The following HTT-AS variants were observed in gnomAD, a reference collection of about 807,000 sequenced individuals.
HTT-AS encodes HTT antisense RNA, also known as HTT antisense RNA (head to head).
At chr4:3,056,460 G>A (rs1468670241) in intron 2 of HTT-AS, among the ~76,000 whole-genome samples, 1 of 152,330 alleles carries the variant, frequency 6.6e-6, no homozygotes, top group East Asian at 1.9e-4. Context: ...CAAAGACTCA[G>A]CTACTGTTAC....
At chr4:3,052,350 G>A (rs1223425712) in intron 2 of HTT-AS, among the ~76,000 whole-genome samples, 1 of 152,170 alleles carries the variant, frequency 6.6e-6, no homozygotes, top group Admixed American at 6.5e-5. Flanking sequence ...TTATTAAAGA[G>A]TGCAATGGTT....
At chr4:3,052,672 G>T (rs1241043085) in intron 2 of HTT-AS, among the ~76,000 whole-genome samples, 2 of 151,982 alleles carry the variant, frequency 1.3e-5, no homozygotes, top group Non-Finnish European at 2.9e-5. Flanking sequence ...CTTTTTTGGG[G>T]GGGATCCAGG....
chr4:3,051,071 T>A (rs1315438351), intron 2 of HTT-AS, among the ~76,000 whole-genome samples: 1 of 151,076 alleles, frequency 6.6e-6, no homozygotes, highest in Non-Finnish European at 1.5e-5. Flanking sequence ...TGTGTGTGTG[T>A]GTGTGTGTGT....
chr4:3,050,660 C>T (rs1010771495), intron 2 of HTT-AS, among the ~76,000 whole-genome samples: 2 of 152,140 alleles, frequency 1.3e-5, no homozygotes, highest in Non-Finnish European at 2.9e-5. Flanking sequence ...CTATGATTTA[C>T]AGTAACTTAA....
At chr4:3,072,316 G>A (rs1227824125) in intron 1 of HTT-AS, among the ~76,000 whole-genome samples, 1 of 152,246 alleles carries the variant, frequency 6.6e-6, no homozygotes, top group Non-Finnish European at 1.5e-5. Flanking sequence ...CGCCATGTGG[G>A]CCTCTCCAAC....
At chr4:3,064,588 A>G (rs1272912523) in intron 1 of HTT-AS, among the ~76,000 whole-genome samples, 1 of 152,236 alleles carries the variant, frequency 6.6e-6, no homozygotes, top group South Asian at 2.1e-4. Flanking sequence ...CTAGGAAAAC[A>G]TAATTTATCA....
chr4:3,064,496 AAAATCATGT>A lies in HTT-AS; in HGVS notation n.114-805_114-797del, dbSNP rs1265061195. 7.9e-5 allele frequency among the ~76,000 whole-genome samples: 12 copies of A among 152,350 alleles called. No homozygotes were observed. In the Middle Eastern group the frequency reaches 0.01, roughly 130 times the overall value. On this transcript the variant is annotated intron_variant and non_coding_transcript_variant, in intron 1 of 2. Transcript: ENST00000664062. ...CACAAAAATTAATTTCAAGGGGAGA[AAAATCATGT>A]AAAGAGAGAAAGATAATGAATACTT... is the stretch of plus-strand genomic sequence containing the variant.
At chr4:3,070,991 C>T (rs1712161744) in intron 1 of HTT-AS, among the ~76,000 whole-genome samples, 2 of 152,286 alleles carry the variant, frequency 1.3e-5, no homozygotes, top group Non-Finnish European at 2.9e-5. Flanking sequence ...ACTTTAAAAA[C>T]CTGTGTCTTG....
chr4:3,070,377 G>A (rs372555125), intron 1 of HTT-AS, among the ~76,000 whole-genome samples: 4 of 150,780 alleles, frequency 2.7e-5, no homozygotes, highest in East Asian at 2.0e-4. Context: ...TGCAACCTCC[G>A]CCTCCTGGGT....
chr4:3,065,804 C>T (rs1403407096), intron 1 of HTT-AS, among the ~76,000 whole-genome samples: 1 of 152,186 alleles, frequency 6.6e-6, no homozygotes, highest in Admixed American at 6.5e-5. Context: ...GACAGTATTA[C>T]GTAGCACATC....
chr4:3,054,704 G>T (rs2110120938), intron 2 of HTT-AS, among the ~76,000 whole-genome samples: 1 of 149,946 alleles, frequency 6.7e-6, no homozygotes, highest in East Asian at 1.9e-4. Context: ...GCACAACAGG[G>T]TTTTCTTTTC....
At chr4:3,072,194 A>G (rs1218841854) in intron 1 of HTT-AS, among the ~76,000 whole-genome samples, 1 of 152,224 alleles carries the variant, frequency 6.6e-6, no homozygotes, top group Non-Finnish European at 1.5e-5. Flanking sequence ...CAGCCGGGGA[A>G]GGGTCCCTTT....
At chr4:3,061,583 G>A (rs1711926919) in intron 2 of HTT-AS, among the ~76,000 whole-genome samples, 1 of 151,824 alleles carries the variant, frequency 6.6e-6, no homozygotes, top group South Asian at 2.1e-4. Context: ...TCGGGAGGCT[G>A]AGGCAGGAGA....
At chr4:3,061,094 G>A (rs1711917525) in intron 2 of HTT-AS, among the ~76,000 whole-genome samples, 1 of 152,136 alleles carries the variant, frequency 6.6e-6, no homozygotes, top group South Asian at 2.1e-4. Context: ...GATTTCCTTG[G>A]CATGAGGCAA....
At chr4:3,059,235 T>C (rs1711878116) in intron 2 of HTT-AS, among the ~76,000 whole-genome samples, 1 of 152,182 alleles carries the variant, frequency 6.6e-6, no homozygotes, top group Non-Finnish European at 1.5e-5. Flanking sequence ...TCAAACTGTG[T>C]TCGGAGAAGG....
At chr4:3,061,595 T>C (rs1232992913) in intron 2 of HTT-AS, among the ~76,000 whole-genome samples, 1 of 147,992 alleles carries the variant, frequency 6.8e-6, no homozygotes, top group African/African-American at 2.5e-5. Flanking sequence ...GGCAGGAGAA[T>C]AGCTTGAACC....
At chr4:3,073,667 T>TG (rs143861513) in intron 1 of HTT-AS, among the ~76,000 whole-genome samples, 9,413 of 152,112 alleles carry the variant, frequency 0.062, 360 homozygotes, top group African/African-American at 0.1. Flanking sequence ...CTGGGACCGA[T>TG]GGGGGGCGCC....
At chr4:3,047,550 C>T (rs554495200), downstream of HTT-AS, among the ~76,000 whole-genome samples, 20 of 152,314 alleles carry the variant, frequency 1.3e-4, no homozygotes, top group East Asian at 5.8e-4. Flanking sequence ...CCCTCTGTCA[C>T]GCTCAGACAG....
intron 2 of HTT-AS, among the ~76,000 whole-genome samples, chr4:3,057,743 T>A (rs1439252751): frequency 1.3e-5 from 2 of 151,638 alleles, no homozygotes; most frequent in East Asian, 3.9e-4. Context: ...ATGCCATTCT[T>A]CTGCCTCAGC....
Sources: gnomAD v4.1 joint callset for allele counts (sites outside exome capture counted in the v4.1 genomes callset) on GRCh38, gnomAD v4.1.1 for gene constraint, MANE v1.5 for transcripts, NCBI Gene and HGNC (gene_info 2026-07-23, HGNC 2026-07-21) for gene names.